The following FLYWCH1 variants were observed in gnomAD, a reference collection of about 807,000 sequenced individuals.
The protein encoded by FLYWCH1 is FLYWCH-type zinc finger-containing protein 1.
FLYWCH1 carries 75 observed loss-of-function variants against 66.4 expected under a neutral mutation model. The ratio of observed to expected loss-of-function variants is 1.13; its 90% CI spans 0.94 to 1.37. FLYWCH1 has a LOEUF of 1.37. Ranked by LOEUF, FLYWCH1 falls within the 40% of genes most tolerant of loss-of-function variation. The probability of loss-of-function intolerance (pLI) is 0.00; values close to 1 mark genes in which losing one functional copy is unlikely to be tolerated. For missense variants in FLYWCH1, 1,334 were observed against 1,001.8 expected, an observed-to-expected ratio of 1.33 and a Z score of -4.48; for synonymous variants, 595 against 429.9, an observed-to-expected ratio of 1.38 and a Z score of -4.75.
intron 8 of FLYWCH1, among the ~76,000 whole-genome samples, chr16:2,938,911 C>CTT (rs986022006): frequency 7.4e-6 from 1 of 134,996 alleles, no homozygotes; most frequent in Non-Finnish European, 1.6e-5. Flanking sequence ...TGTGCCCAAC[C>CTT]TTTTTTTTTT....
intron 6 of FLYWCH1, 35 bp from the exon 7 acceptor site, chr16:2,937,086 G>A (rs778610525): frequency 6.4e-7 from 1 of 1,566,378 alleles, no homozygotes; most frequent in Non-Finnish European, 8.7e-7. Context: ...CTGAGAGCTG[G>A]TGTCCGCTGC....
intron 2 of FLYWCH1, among the ~76,000 whole-genome samples, chr16:2,917,513 G>T (rs1256955743): frequency 6.6e-6 from 1 of 151,994 alleles, no homozygotes; most frequent in African/African-American, 2.4e-5. Flanking sequence ...ACAGGTGTGA[G>T]CCACCATGCC....
chr16:2,931,909 T>C (rs570456521), intron 4 of FLYWCH1, among the ~76,000 whole-genome samples: 1 of 151,822 alleles, frequency 6.6e-6, no homozygotes, highest in Non-Finnish European at 1.5e-5. Flanking sequence ...GTCAGGAGAT[T>C]GAGACCATCC....
At chr16:2,930,146 T>A (rs2070710487) in intron 3 of FLYWCH1, 136 bp downstream of exon 3, 8 of 806,006 alleles carry the variant, frequency 9.9e-6, no homozygotes, top group Non-Finnish European at 1.4e-5. Flanking sequence ...ATCCTGAGCG[T>A]GTCCGAGGCT....
rs2071590279 is a variant in FLYWCH1 at position 2,948,832 on chromosome 16, A to G, written c.*105A>G. The G allele has an allele frequency of 2.0e-6, 2 of 1,019,446 alleles. No homozygotes were observed. The highest frequency in any genetic ancestry group is 3.1e-6 in the Non-Finnish European group (2 of 653,852). The allele number at this position is 1,019,446 out of a possible 1,614,324, so 63.2% of individuals were successfully genotyped here. A position where few individuals can be genotyped will look rare whatever the true frequency, so the allele number is the denominator to read the frequency against. On this transcript the variant is annotated 3_prime_UTR_variant, in exon 10 of 10. Coordinates refer to ENST00000253928, the MANE Select transcript of FLYWCH1 (RefSeq NM_001308068.2). ...TTTGGCTTAGCAGAAACTTCTTTTC[A>G]TTCTTCCAAAGCATCGATGGTCTTC...
chr16:2,933,383 G>A lies in FLYWCH1; in HGVS notation c.1050G>A (p.Thr350=), dbSNP rs368841077. 129 of 1,602,758 alleles carry A rather than the reference G, an allele frequency of 8.0e-5. No individual in the cohort carries two copies. Among genetic ancestry groups the A allele is most frequent in the South Asian group, 4.4e-4 (39 of 89,434 alleles). ...GGCAGCAGGAGAAGGCCGTGGAGAC[G>A]CTGCAGGCTGGGCAGGACGGCCCTG... ...ARRQQEKAVE[T]LQAGQDGPGS... is the part of the protein sequence containing the mutation. The change falls in exon 5 of 10, where the codon ACG becomes ACA. Residue 350 remains threonine (T), a synonymous_variant. Transcript: ENST00000253928.
chr16:2,929,739 G>A lies in FLYWCH1; in HGVS notation c.54G>A (p.Gln18=). ...EQEGESVKAG[Q]EPSPKPGTDV... is the part of the protein sequence containing the mutation. The stretch of plus-strand genomic sequence containing the variant: ...AGGGCGAGAGTGTGAAGGCCGGCCA[G>A]GAGCCATCCCCCAAGCCAGGCACGG... Residue 18 remains glutamine, a synonymous_variant, in exon 3 of 10, where the codon CAG becomes CAA. Coordinates refer to ENST00000253928, the MANE Select transcript of FLYWCH1 (RefSeq NM_001308068.2). The A allele has an allele frequency of 6.2e-7, 1 of 1,613,754 alleles. No individual in the cohort carries two copies. Among genetic ancestry groups the A allele is most frequent in the East Asian group, 2.2e-5 (1 of 44,868 alleles).
In FLYWCH1 at chr16:2,933,486, A is replaced by G. The variant is rs1321648977; in HGVS notation, c.1153A>G (p.Arg385Gly). 1 of 1,607,072 alleles carries G rather than the reference A, an allele frequency of 6.2e-7. No homozygotes were observed. Among genetic ancestry groups the G allele is most frequent in the East Asian group, 2.2e-5 (1 of 44,598 alleles). The change falls in exon 5 of 10, where the codon AGG (arginine) becomes GGG (glycine). Residue 385 changes from arginine to glycine, a missense_variant. Physicochemically the swap from Arg to Gly is moderately radical, Grantham distance 125. Coordinates refer to ENST00000253928, the MANE Select transcript of FLYWCH1 (RefSeq NM_001308068.2). ...RRGPGPLTLT[R>G]PRPRKRAKVE... ...GGGTCCGGGTCCCCTGACTCTCACC[A>G]GGCCTCGGCCCAGAAAGCGAGCAAA...
chr16:2,928,399 C>A (rs1467286632), intron 2 of FLYWCH1, among the ~76,000 whole-genome samples: 2 of 152,180 alleles, frequency 1.3e-5, no homozygotes, highest in Admixed American at 6.6e-5. Flanking sequence ...TTGGACAATA[C>A]CTAGGCTTTC....
intron 2 of FLYWCH1, among the ~76,000 whole-genome samples, chr16:2,919,231 A>G (rs1237971428): frequency 1.4e-5 from 2 of 141,856 alleles, no homozygotes; most frequent in African/African-American, 5.3e-5. Flanking sequence ...TCTCTGATAT[A>G]TGCGTGTATA....
chr16:2,938,177 C>G lies in FLYWCH1; in HGVS notation c.1778-7C>G, dbSNP rs768243553. ...GGCCCCACTCACAGTGTCACTTTCC[C>G]TTTCAGATCCTCTCCGGCCCCTGGA... On this transcript the variant is annotated splice_polypyrimidine_tract_variant and splice_region_variant and intron_variant, in intron 7 of 9. Transcript: ENST00000253928. 6 of 1,610,492 alleles carry G rather than the reference C, an allele frequency of 3.7e-6. No individual in the cohort carries two copies. Among genetic ancestry groups the G allele is most frequent in the East Asian group, 4.5e-5 (2 of 44,824 alleles).
chr16:2,928,140 T>G (rs1011761118), intron 2 of FLYWCH1, among the ~76,000 whole-genome samples: 1 of 152,218 alleles, frequency 6.6e-6, no homozygotes, highest in African/African-American at 2.4e-5. Flanking sequence ...CCAGCGTATC[T>G]TGCCTCCAGC....
chr16:2,918,165 T>G (rs2070238641), intron 2 of FLYWCH1, among the ~76,000 whole-genome samples: 1 of 131,050 alleles, frequency 7.6e-6, no homozygotes. Context: ...TTTTTTTTTT[T>G]TTGAGACAGT....
chr16:2,924,254 C>T (rs1240187140), intron 2 of FLYWCH1, among the ~76,000 whole-genome samples: 3 of 151,144 alleles, frequency 2.0e-5, no homozygotes, highest in African/African-American at 4.9e-5. Flanking sequence ...GGCGTGAACC[C>T]GGGAGGCGGA....
intron 1 of FLYWCH1, among the ~76,000 whole-genome samples, 173 bp from the exon 2 acceptor site, chr16:2,914,003 C>T (rs944602460): frequency 3.3e-5 from 5 of 152,212 alleles, no homozygotes; most frequent in African/African-American, 9.6e-5. Flanking sequence ...AGCCACCGTG[C>T]CACCGGCCCA....
At chr16:2,944,114 C>T (rs1381725842) in intron 9 of FLYWCH1, among the ~76,000 whole-genome samples, 1 of 151,888 alleles carries the variant, frequency 6.6e-6, no homozygotes, top group Admixed American at 6.6e-5. Context: ...AAGTAGAGCA[C>T]GACAGCTCCC....
intron 9 of FLYWCH1, among the ~76,000 whole-genome samples, chr16:2,944,886 G>A (rs974158985): frequency 3.3e-5 from 5 of 152,060 alleles, no homozygotes; most frequent in South Asian, 2.1e-4. Context: ...AGACTTTTTG[G>A]AGGTATCCAA....
chr16:2,932,755 G>A (rs1045753836), intron 4 of FLYWCH1, among the ~76,000 whole-genome samples: 1 of 152,162 alleles, frequency 6.6e-6, no homozygotes, highest in African/African-American at 2.4e-5. Context: ...AGAAAACAGA[G>A]ACCACTGAGT....
chr16:2,944,875 A>C (rs1466757187), intron 9 of FLYWCH1, among the ~76,000 whole-genome samples: 1 of 152,086 alleles, frequency 6.6e-6, no homozygotes, highest in Non-Finnish European at 1.5e-5. Flanking sequence ...CAGGTCCTTC[A>C]AGACTTTTTG....
Sources: gnomAD v4.1 joint callset for allele counts (sites outside exome capture counted in the v4.1 genomes callset) on GRCh38, gnomAD v4.1.1 for gene constraint, MANE v1.5 for transcripts, NCBI Gene and HGNC (gene_info 2026-07-23, HGNC 2026-07-21) for gene names.